ARL14EP: variants seen among roughly 807,000 people sequenced by gnomAD.
ARL14EP encodes the protein ARL14 effector protein.
ARL14EP carries 12 observed loss-of-function variants against 23.1 expected under a neutral mutation model. The observed-to-expected ratio is 0.52, with a 90% confidence interval of 0.33 to 0.84. ARL14EP has a LOEUF of 0.84. Among genes scored for constraint, ARL14EP ranks in the 40% least tolerant of loss-of-function variants. ARL14EP has a pLI of 0.02. For missense variants in ARL14EP, 253 were observed against 307.3 expected (o/e 0.82, Z 1.32); for synonymous variants, 97 against 102.0 (o/e 0.95, Z 0.29).
chr11:30,330,108 C>T (rs1947270467), intron 1 of ARL14EP: 1 of 151,952 alleles, frequency 6.6e-6, no homozygotes, highest in Admixed American at 6.6e-5. Context: ...AAAGTCCCTT[C>T]TTCATTAGTG....
Position 30,334,276 on chromosome 11 carries a change from C to A in ARL14EP, c.554+1283C>A, listed in dbSNP as rs370591453. On this transcript the variant is annotated intron_variant, in intron 3 of 3. Transcript: ENST00000282032. ...TGTCACCCAGCCTGAGGTGCAGTGGCGCAAACTCAGCTCACTACACCCGCC... is the reference window on the plus strand; with the variant it reads ...TGTCACCCAGCCTGAGGTGCAGTGGAGCAAACTCAGCTCACTACACCCGCC... Among the ~76,000 whole-genome samples, 3 of 135,278 alleles carry A rather than the reference C, an allele frequency of 2.2e-5. No individual in the cohort carries two copies. In the East Asian group the frequency reaches 7.2e-4, roughly 32 times the overall value. 88.7% of individuals were successfully genotyped at this position (135,278 alleles called of 152,430 possible). A position where few individuals can be genotyped will look rare whatever the true frequency, so the allele number is the denominator to read the frequency against.
At chr11:30,334,504 A>G (rs954084821) in intron 3 of ARL14EP, among the ~76,000 whole-genome samples, 9 of 151,980 alleles carry the variant, frequency 5.9e-5, no homozygotes, top group South Asian at 4.1e-4. Context: ...GTGAGCCACC[A>G]CGCCCAGCCA....
intron 1 of ARL14EP, among the ~76,000 whole-genome samples, chr11:30,324,247 C>G (rs1172689817): frequency 6.6e-6 from 1 of 152,050 alleles, no homozygotes; most frequent in Non-Finnish European, 1.5e-5. Context: ...CAAGAAAAGC[C>G]TTTAATTTTT....
chr11:30,331,620 T>A, intron 2 of ARL14EP: 1 of 1,353,300 alleles, frequency 7.4e-7, no homozygotes, highest in Non-Finnish European at 9.5e-7. Context: ...GCTACAACTT[T>A]TAGTGCGAAG....
intron 3 of ARL14EP, among the ~76,000 whole-genome samples, 198 bp from the exon 4 acceptor site, chr11:30,336,368 TA>T (rs2133655429): frequency 6.6e-6 from 1 of 151,354 alleles, no homozygotes; most frequent in Non-Finnish European, 1.5e-5. Context: ...CAACACTCTA[TA>T]GAGTTAGGTC....
chr11:30,336,776 A>C lies in ARL14EP; in HGVS notation c.764A>C (p.His255Pro). The C allele has an allele frequency of 1.2e-6, 2 of 1,614,078 alleles. No individual in the cohort carries two copies. The highest frequency in any genetic ancestry group is 1.6e-4 in the Middle Eastern group (1 of 6,062). ...GAAATTGAAGGAGGAGAAATAATTC[A>C]TAATAAACATGCTGGATAATCTGCG... ...QIEIEGGEIIHNKHAG is the reference protein window; with the variant it reads ...QIEIEGGEIIPNKHAG Residue 255 changes from histidine to proline, a missense_variant, in exon 4 of 4, where the codon CAT (histidine) becomes CCT (proline). Transcript: ENST00000282032.
chr11:30,333,395 A>G (rs1161681327), intron 3 of ARL14EP, among the ~76,000 whole-genome samples: 3 of 151,864 alleles, frequency 2.0e-5, no homozygotes, highest in Non-Finnish European at 2.9e-5. Flanking sequence ...AAGCAAGTCT[A>G]TTGGTGTCAT....
At chr11:30,335,639 T>A (rs896568870) in intron 3 of ARL14EP, among the ~76,000 whole-genome samples, 2 of 152,206 alleles carry the variant, frequency 1.3e-5, no homozygotes, top group Non-Finnish European at 2.9e-5. Flanking sequence ...TTGTTAGCAT[T>A]TTTTAGCAAT....
chr11:30,323,786 A>C (rs1947214736), intron 1 of ARL14EP, among the ~76,000 whole-genome samples: 1 of 152,168 alleles, frequency 6.6e-6, no homozygotes, highest in South Asian at 2.1e-4. Context: ...TCTGTTAGGC[A>C]TGATAACAAC....
intron 1 of ARL14EP, chr11:30,329,008 G>A (rs1314860739): frequency 1.3e-5 from 2 of 151,898 alleles, no homozygotes; most frequent in East Asian, 1.9e-4. Context: ...CAAATAGAAA[G>A]TATGGACAGT....
chr11:30,323,600 C>A (rs1053218575), intron 1 of ARL14EP, among the ~76,000 whole-genome samples: 2 of 152,204 alleles, frequency 1.3e-5, no homozygotes, highest in Non-Finnish European at 2.9e-5. Context: ...TCAACCCTGG[C>A]CGTTTGAGGC....
In ARL14EP at chr11:30,336,579, A is replaced by G. The variant is rs1450109020; in HGVS notation, c.567A>G (p.Pro189=). 2.5e-6 allele frequency: 4 copies of G among 1,613,362 alleles called. No homozygotes were observed. Among genetic ancestry groups the G allele is most frequent in the Non-Finnish European group, 3.4e-6 (4 of 1,179,382 alleles). Residue 189 remains proline, a synonymous_variant, in exon 4 of 4, where the codon CCA becomes CCG. Transcript: ENST00000282032. ...ATAGSDRQVI[P]AKSKVYDSQG... is the part of the protein sequence containing the mutation. ...TTTTATTTTACAGACAAGTGATACC[A>G]GCAAAGAGTAAGGTCTATGATAGCC...
At position 30,332,989 on chromosome 11, in the gene ARL14EP, G is replaced by T. The variant is rs1390032270; in HGVS notation, c.550G>T (p.Asp184Tyr). The change falls in exon 3 of 4, where the codon GAC (aspartate) becomes TAC (tyrosine). Residue 184 changes from aspartate (D) to tyrosine (Y), a missense_variant. Physicochemically the swap from Asp to Tyr is radical, Grantham distance 160 (BLOSUM62 -3). Coordinates refer to ENST00000282032, the MANE Select transcript of ARL14EP (RefSeq NM_152316.3). ...TACAAAAAATGCAACCGCTGGTTCA[G>T]ACAGGTAGGCTAAGTGTTACTGAAG... Reference protein sequence around the residue: ...RLTKNATAGSDRQVIPAKSKV... With the variant: ...RLTKNATAGSYRQVIPAKSKV... The T allele has an allele frequency of 6.2e-7, 1 of 1,612,922 alleles. No individual in the cohort carries two copies. Among genetic ancestry groups the T allele is most frequent in the South Asian group, 1.1e-5 (1 of 90,974 alleles).
At chr11:30,333,869 TTAAAAG>T (rs1343690985) in intron 3 of ARL14EP, among the ~76,000 whole-genome samples, 1 of 152,284 alleles carries the variant, frequency 6.6e-6, no homozygotes, top group South Asian at 2.1e-4. Flanking sequence ...AGGAAGGACA[TTAAAAG>T]TACCATTCCA....
At position 30,331,061 on chromosome 11, in the gene ARL14EP, A is replaced by G; in HGVS notation, c.113A>G (p.Asp38Gly). Reference protein sequence around the residue: ...FKTLQELSSNDMLLLQLRTGM... With the variant: ...FKTLQELSSNGMLLLQLRTGM... ...ACTTTGCAAGAATTGTCATCAAATGATATGCTTTTACTTCAACTTAGAACT... is the reference window on the plus strand; with the variant it reads ...ACTTTGCAAGAATTGTCATCAAATGGTATGCTTTTACTTCAACTTAGAACT... Residue 38 changes from aspartate (D) to glycine (G), a missense_variant, in exon 2 of 4, where the codon GAT (aspartate) becomes GGT (glycine). Physicochemically the swap from Asp to Gly is moderately conservative, Grantham distance 94 (BLOSUM62 -1). Coordinates refer to ENST00000282032, the MANE Select transcript of ARL14EP (RefSeq NM_152316.3). The G allele has an allele frequency of 6.2e-7, 1 of 1,613,924 alleles. No individual in the cohort carries two copies. Among genetic ancestry groups the G allele is most frequent in the South Asian group, 1.1e-5 (1 of 91,084 alleles).
chr11:30,331,809 C>T (rs1947286973), intron 2 of ARL14EP: 1 of 991,576 alleles, frequency 1.0e-6, no homozygotes, highest in African/African-American at 1.7e-5. Flanking sequence ...AGGTGACTTA[C>T]AGTAATTGTT....
At chr11:30,327,117 C>T (rs1947241661) in intron 1 of ARL14EP, among the ~76,000 whole-genome samples, 1 of 152,190 alleles carries the variant, frequency 6.6e-6, no homozygotes, top group Non-Finnish European at 1.5e-5. Context: ...AAAAACTGAA[C>T]TTCCTGTAAA....
chr11:30,336,511 A>G lies in ARL14EP; in HGVS notation c.555-56A>G, dbSNP rs139683825. 37,987 of 1,440,612 alleles carry G rather than the reference A, an allele frequency of 0.026. 617 individuals carry two copies. The highest frequency in any genetic ancestry group is 0.031 in the Non-Finnish European group (32,710 of 1,041,238). The allele number at this position is 1,440,612 out of a possible 1,614,324, so 89.2% of individuals were successfully genotyped here. A position where few individuals can be genotyped will look rare whatever the true frequency, so the allele number is the denominator to read the frequency against. On this transcript the variant is annotated intron_variant, in intron 3 of 3. Transcript: ENST00000282032. ...CTTTTTTTTTTTTACTGTATTTTCA[A>G]TTAAATCAAAAATAACATATTTATG...
At chr11:30,334,896 G>A (rs955019414) in intron 3 of ARL14EP, among the ~76,000 whole-genome samples, 1 of 152,210 alleles carries the variant, frequency 6.6e-6, no homozygotes, top group Non-Finnish European at 1.5e-5. Flanking sequence ...GGAGATAAAT[G>A]TTTCATGCCT....
Sources: gnomAD v4.1 joint callset for allele counts (sites outside exome capture counted in the v4.1 genomes callset) on GRCh38, gnomAD v4.1.1 for gene constraint, MANE v1.5 for transcripts, NCBI Gene and HGNC (gene_info 2026-07-23, HGNC 2026-07-21) for gene names.